The following JAM3 variants were observed in gnomAD, a reference collection of about 807,000 sequenced individuals.
JAM3 encodes the protein junctional adhesion molecule C.
In JAM3, 31 loss-of-function variants were observed where a neutral mutation model predicts 39.4. That is an observed-to-expected ratio of 0.79 (90% CI 0.59 to 1.06). The LOEUF is 1.06. Among genes scored for constraint, JAM3 ranks in the 50% least tolerant of loss-of-function variants. JAM3 has a pLI of 0.00. For missense variants in JAM3, 455 were observed against 391.4 expected, an observed-to-expected ratio of 1.16 and a Z score of -1.37; for synonymous variants, 182 against 148.7, an observed-to-expected ratio of 1.22 and a Z score of -1.63.
At chr11:134,132,004 A>T (rs1942778409) in intron 1 of JAM3, among the ~76,000 whole-genome samples, 1 of 152,194 alleles carries the variant, frequency 6.6e-6, no homozygotes. Context: ...GGGGAGAAAT[A>T]CTGGGCAGAA....
At chr11:134,105,566 C>CA (rs1491143563) in intron 1 of JAM3, among the ~76,000 whole-genome samples, 1 of 152,138 alleles carries the variant, frequency 6.6e-6, no homozygotes, top group African/African-American at 2.4e-5. Flanking sequence ...CAAATTGTCC[C>CA]TGTTTGTAGA....
chr11:134,115,993 T>A (rs1328896252), intron 1 of JAM3, among the ~76,000 whole-genome samples: 1 of 152,182 alleles, frequency 6.6e-6, no homozygotes, highest in Non-Finnish European at 1.5e-5. Flanking sequence ...CATCATGACA[T>A]GTTGCTGGTA....
rs577677909 is a variant in JAM3 at position 134,119,545 on chromosome 11, A to G, written c.77-20306A>G. ...TTATAAGGAATTGACTCACACGATT[A>G]AGAAAGCTGGTGAGTTCAGAATCTG... On this transcript the variant is annotated intron_variant, in intron 1 of 8. Coordinates refer to ENST00000299106, the MANE Select transcript of JAM3 (RefSeq NM_032801.5). 3.3e-5 allele frequency among the ~76,000 whole-genome samples: 5 copies of G among 152,346 alleles called. No homozygotes were observed. The South Asian group carries it at 8.3e-4, about 25-fold the overall frequency.
chr11:134,108,719 A>G (rs1364180301), intron 1 of JAM3, among the ~76,000 whole-genome samples: 1 of 152,234 alleles, frequency 6.6e-6, no homozygotes, highest in African/African-American at 2.4e-5. Flanking sequence ...AGATGCAGAA[A>G]AAGCACTTGA....
intron 1 of JAM3, among the ~76,000 whole-genome samples, chr11:134,103,980 A>T (rs1293804593): frequency 6.6e-6 from 1 of 152,174 alleles, no homozygotes; most frequent in Non-Finnish European, 1.5e-5. Context: ...ATATCCAGGA[A>T]TTGAACTCAG....
intron 1 of JAM3, among the ~76,000 whole-genome samples, chr11:134,077,247 G>GT (rs1941584825): frequency 6.6e-6 from 1 of 152,008 alleles, no homozygotes; most frequent in East Asian, 1.9e-4. Context: ...TTGTATGTGT[G>GT]TTGGCCACAT....
At chr11:134,097,411 T>A (rs1192440889) in intron 1 of JAM3, among the ~76,000 whole-genome samples, 1 of 152,222 alleles carries the variant, frequency 6.6e-6, no homozygotes, top group Non-Finnish European at 1.5e-5. Flanking sequence ...ACAGGTTGTA[T>A]TGACTCCTTC....
chr11:134,103,071 A>G (rs2120690184), intron 1 of JAM3, among the ~76,000 whole-genome samples: 1 of 152,330 alleles, frequency 6.6e-6, no homozygotes, highest in South Asian at 2.1e-4. Flanking sequence ...CAGATTCACC[A>G]AAGTTGAAAT....
rs1943147733 is a variant in JAM3 at position 134,149,351 on chromosome 11, TGAATA to T, written c.*174_*178del. ...ACTCTTCTTACTCTAACAAGCCACATGAATAGAAGAATTTTCCTCAAGATGGACCC... is the reference window on the plus strand; with the variant it reads ...ACTCTTCTTACTCTAACAAGCCACATGAAGAATTTTCCTCAAGATGGACCC... On this transcript the variant is annotated 3_prime_UTR_variant, in exon 9 of 9. Coordinates refer to ENST00000299106, the MANE Select transcript of JAM3 (RefSeq NM_032801.5). 1.4e-6 allele frequency: 1 copy of T among 728,674 alleles called. No homozygotes were observed. Among genetic ancestry groups the T allele is most frequent in the Admixed American group, 2.2e-5 (1 of 44,902 alleles). 45.1% of individuals were successfully genotyped at this position (728,674 alleles called of 1,614,324 possible). A position where few individuals can be genotyped will look rare whatever the true frequency, so the allele number is the denominator to read the frequency against.
chr11:134,134,341 G>T (rs1435704244), intron 1 of JAM3, among the ~76,000 whole-genome samples: 2 of 126,530 alleles, frequency 1.6e-5, no homozygotes, highest in African/African-American at 6.1e-5. Context: ...CCAAATTAAT[G>T]CCAGACACTA....
At chr11:134,142,226 G>A (rs561960032) in intron 3 of JAM3, among the ~76,000 whole-genome samples, 8 of 152,130 alleles carry the variant, frequency 5.3e-5, no homozygotes, top group Non-Finnish European at 2.9e-5. Context: ...ACGGTTTCCC[G>A]CACAGAATGC....
Position 134,149,186 on chromosome 11 carries a change from C to T in JAM3, c.*5C>T, listed in dbSNP as rs369997100. The T allele has an allele frequency of 1.2e-4, 197 of 1,613,988 alleles. No individual in the cohort carries two copies. The highest frequency in any genetic ancestry group is 1.5e-4 in the Non-Finnish European group (172 of 1,179,880). ...AAGTCATCGTTTGTGATCTGAGACC[C>T]GCGGTGTGGCTGAGAGCGCACAGAG... On this transcript the variant is annotated 3_prime_UTR_variant, in exon 9 of 9. Coordinates refer to ENST00000299106, the MANE Select transcript of JAM3 (RefSeq NM_032801.5).
chr11:134,110,235 AC>A (rs1942283642), intron 1 of JAM3, among the ~76,000 whole-genome samples: 1 of 152,160 alleles, frequency 6.6e-6, no homozygotes, highest in Admixed American at 6.5e-5. Flanking sequence ...AAATGGTAAG[AC>A]CAATTTGGAA....
intron 1 of JAM3, among the ~76,000 whole-genome samples, chr11:134,084,616 T>C (rs1235225546): frequency 6.6e-6 from 1 of 152,236 alleles, no homozygotes; most frequent in Non-Finnish European, 1.5e-5. Context: ...GATTTGCTGT[T>C]ACTAACTGTG....
At chr11:134,121,785 G>A (rs956721756) in intron 1 of JAM3, among the ~76,000 whole-genome samples, 1 of 151,726 alleles carries the variant, frequency 6.6e-6, no homozygotes, top group Non-Finnish European at 1.5e-5. Context: ...AACTTGGGCA[G>A]GCACTGATAC....
Position 134,105,815 on chromosome 11 carries a change from A to T in JAM3, c.77-34036A>T, listed in dbSNP as rs560978391. Among the ~76,000 whole-genome samples the T allele has an allele frequency of 3.3e-5, 5 of 152,358 alleles. No homozygotes were observed. The South Asian group carries it at 1.0e-3, about 32-fold the overall frequency. On this transcript the variant is annotated intron_variant, in intron 1 of 8. Transcript: ENST00000299106. ...AGGGATGTGAAGGACCTCTTCAAGG[A>T]GAACTAGAAACCACTGCTCAACGAA...
At chr11:134,081,394 G>T (rs1463773721) in intron 1 of JAM3, among the ~76,000 whole-genome samples, 2 of 152,228 alleles carry the variant, frequency 1.3e-5, no homozygotes, top group Admixed American at 6.5e-5. Context: ...GTGGTTTCAT[G>T]GGCCGGGCCC....
chr11:134,130,827 T>TA (rs1048092591), intron 1 of JAM3, among the ~76,000 whole-genome samples: 6 of 152,222 alleles, frequency 3.9e-5, no homozygotes, highest in Non-Finnish European at 8.8e-5. Context: ...TTCTGGGGGA[T>TA]ACCTGAAGGC....
At chr11:134,082,696 A>T (rs1233088256) in intron 1 of JAM3, among the ~76,000 whole-genome samples, 1 of 152,172 alleles carries the variant, frequency 6.6e-6, no homozygotes, top group Non-Finnish European at 1.5e-5. Flanking sequence ...TTTCTTTTGC[A>T]AATTGCCCAG....
Sources: allele counts gnomAD v4.1 joint callset (sites outside exome capture counted in the v4.1 genomes callset), GRCh38; gene constraint gnomAD v4.1.1; transcripts MANE v1.5; gene names NCBI Gene and HGNC (gene_info 2026-07-23, HGNC 2026-07-21).